The following SLC22A23 variants were observed in gnomAD, a reference collection of about 807,000 sequenced individuals.
SLC22A23 encodes the protein solute carrier family 22 member 23.
Under a neutral mutation model 61.0 loss-of-function variants are expected in SLC22A23, and 26 were observed. That is an observed-to-expected ratio of 0.43 (90% CI 0.31 to 0.59). The LOEUF (loss-of-function observed/expected upper bound fraction) is 0.59, where lower values mean the gene tolerates loss of function less well. Among genes scored for constraint, SLC22A23 ranks in the 20% least tolerant of loss-of-function variants. The probability of loss-of-function intolerance (pLI) is 0.11; values close to 1 mark genes in which losing one functional copy is unlikely to be tolerated. For missense variants in SLC22A23, 796 were observed against 934.7 expected (o/e 0.85, Z 1.94); for synonymous variants, 430 against 413.9 (o/e 1.04, Z -0.47).
In SLC22A23 at chr6:3,369,536, C is replaced by G. The variant is rs148211004; in HGVS notation, c.913+40652G>C. 7.4e-3 allele frequency among the ~76,000 whole-genome samples: 1,122 copies of G among 151,966 alleles called. 16 individuals carry two copies. The highest frequency in any genetic ancestry group is 0.02 in the African/African-American group (840 of 41,418). ...TGAAACCCCATCTCTACTAAAAATA[C>G]AAAAATTAGCCGGGCGTGGTGGCGT... On this transcript the variant is annotated intron_variant, in intron 3 of 9. Transcript: ENST00000406686.
chr6:3,333,539 G>A lies in SLC22A23; in HGVS notation c.914-9537C>T, dbSNP rs1387347626. On this transcript the variant is annotated intron_variant, in intron 3 of 9. Transcript: ENST00000406686. This position sits in a 1 kb window ranked among gnomAD's most constrained non-coding sequence, Gnocchi z 4.1. ...AACCCAGCAAGCACACCCCCCTTCT[G>A]GGCTGTGCACTCCCCGTCTGTCCTC... is the stretch of plus-strand genomic sequence containing the variant. Among the ~76,000 whole-genome samples, 3 of 152,020 alleles carry A rather than the reference G, an allele frequency of 2.0e-5. No homozygotes were observed. Among genetic ancestry groups the A allele is most frequent in the Non-Finnish European group, 4.4e-5 (3 of 67,990 alleles).
intron 3 of SLC22A23, among the ~76,000 whole-genome samples, chr6:3,354,238 T>C (rs116109301): frequency 0.018 from 2,666 of 152,318 alleles, 25 homozygotes; most frequent in African/African-American, 0.038. Flanking sequence ...AGTCAGGGCA[T>C]TGGATGGGCA....
intron 3 of SLC22A23, among the ~76,000 whole-genome samples, chr6:3,362,459 C>G (rs1765541009): frequency 7.0e-6 from 1 of 142,524 alleles, no homozygotes; most frequent in Non-Finnish European, 1.5e-5. Context: ...GCATTTTCAT[C>G]AGGGATTGAA....
At position 3,383,204 on chromosome 6, in the gene SLC22A23, C is replaced by T. The variant is rs1032692434; in HGVS notation, c.913+26984G>A. Among the ~76,000 whole-genome samples the T allele has an allele frequency of 4.6e-5, 7 of 152,122 alleles. No homozygotes were observed. In the South Asian group the frequency reaches 6.2e-4, roughly 14 times the overall value. On this transcript the variant is annotated intron_variant, in intron 3 of 9. Transcript: ENST00000406686. The stretch of plus-strand genomic sequence containing the variant: ...AGAAATAATGCTGAGTGAAAGATAA[C>T]GTATGGAGGAACACACACGGTATGA...
In SLC22A23 at chr6:3,275,310, A is replaced by T. The variant is rs553467857; in HGVS notation, c.1704-1898T>A. ...CCCTTCACATCATGTAAAAAAATGAACTCAAAATGGATAATAAAATCTAAG... is the reference window on the plus strand; with the variant it reads ...CCCTTCACATCATGTAAAAAAATGATCTCAAAATGGATAATAAAATCTAAG... On this transcript the variant is annotated intron_variant, in intron 9 of 9. Transcript: ENST00000406686. Among the ~76,000 whole-genome samples the T allele has an allele frequency of 7.9e-5, 12 of 152,328 alleles. No homozygotes were observed. The South Asian group carries it at 2.5e-3, about 32-fold the overall frequency.
chr6:3,322,602 T>TA lies in SLC22A23; in HGVS notation c.1082+1231dup, dbSNP rs1378055369. On this transcript the variant is annotated intron_variant, in intron 4 of 9. Coordinates refer to ENST00000406686, the MANE Select transcript of SLC22A23 (RefSeq NM_015482.2). This position sits in a 1 kb window ranked among gnomAD's most constrained non-coding sequence, Gnocchi z 4.1. ...TGGCAGGTGGCCTTTTCCCATCTGC[T>TA]ATTGCTGGCCCCCTGCTGCTGCCGA... is the stretch of plus-strand genomic sequence containing the variant. 6.6e-6 allele frequency among the ~76,000 whole-genome samples: 1 copy of TA among 152,158 alleles called. No individual in the cohort carries two copies. Among genetic ancestry groups the TA allele is most frequent in the East Asian group, 1.9e-4 (1 of 5,196 alleles).
intron 9 of SLC22A23, among the ~76,000 whole-genome samples, chr6:3,282,643 G>C (rs987197750): frequency 6.6e-6 from 1 of 152,226 alleles, no homozygotes; most frequent in African/African-American, 2.4e-5. Context: ...ACTCACGGCT[G>C]AACTACTGCC....
At chr6:3,440,234 T>C (rs928945952) in intron 1 of SLC22A23, among the ~76,000 whole-genome samples, 2 of 152,218 alleles carry the variant, frequency 1.3e-5, no homozygotes, top group African/African-American at 4.8e-5. Flanking sequence ...TCAGGGTCCA[T>C]GCTGGAGCTC....
chr6:3,399,055 C>T (rs1001271846), intron 3 of SLC22A23, among the ~76,000 whole-genome samples: 2 of 145,398 alleles, frequency 1.4e-5, no homozygotes, highest in Admixed American at 6.8e-5. Context: ...ATAATAAAAC[C>T]GAAAAAACGA....
intron 1 of SLC22A23, among the ~76,000 whole-genome samples, chr6:3,434,569 A>G (rs945006235): frequency 7.2e-5 from 11 of 152,200 alleles, no homozygotes; most frequent in Admixed American, 2.6e-4. Context: ...AGATCGCGCC[A>G]CTGCACTCCA....
rs1238914127 is a variant in SLC22A23 at position 3,324,671 on chromosome 6, C to T, written c.914-669G>A. 6.6e-6 allele frequency among the ~76,000 whole-genome samples: 1 copy of T among 152,230 alleles called. No homozygotes were observed. Among genetic ancestry groups the T allele is most frequent in the Non-Finnish European group, 1.5e-5 (1 of 68,036 alleles). ...ACCCTACCAGAAAGCCCCTTCTCCA[C>T]GTGGGAGTTCTGTGGGCCACTGCAA... On this transcript the variant is annotated intron_variant, in intron 3 of 9. Transcript: ENST00000406686. This position sits in a 1 kb window ranked among gnomAD's most constrained non-coding sequence, Gnocchi z 4.3.
intron 1 of SLC22A23, among the ~76,000 whole-genome samples, chr6:3,455,277 G>A (rs1477719379): frequency 3.3e-5 from 5 of 152,288 alleles, no homozygotes; most frequent in African/African-American, 1.2e-4. Flanking sequence ...GGTGACGGCC[G>A]GGGAACACCC....
intron 4 of SLC22A23, among the ~76,000 whole-genome samples, chr6:3,305,346 G>A (rs910266556): frequency 4.3e-4 from 66 of 152,284 alleles, no homozygotes; most frequent in African/African-American, 1.5e-3. Context: ...TTGCCTGGAC[G>A]GCACTCCGGT....
chr6:3,307,235 A>C (rs1202322012), intron 4 of SLC22A23, among the ~76,000 whole-genome samples: 1 of 152,180 alleles, frequency 6.6e-6, no homozygotes, highest in Non-Finnish European at 1.5e-5. Context: ...TCCGGGTCTC[A>C]GTTCATCTCG....
intron 4 of SLC22A23, among the ~76,000 whole-genome samples, chr6:3,311,276 C>T (rs992947585): frequency 6.6e-6 from 1 of 152,162 alleles, no homozygotes; most frequent in Non-Finnish European, 1.5e-5. Context: ...GATAAGGTTT[C>T]CCTGAAAGTG....
intron 3 of SLC22A23, among the ~76,000 whole-genome samples, chr6:3,368,830 A>G (rs991626416): frequency 6.6e-6 from 1 of 152,184 alleles, no homozygotes; most frequent in African/African-American, 2.4e-5. Context: ...TCTTTCCAAG[A>G]TGTGAGTTGC....
intron 1 of SLC22A23, among the ~76,000 whole-genome samples, chr6:3,452,432 A>AAAAAAT (rs978319770): frequency 1.3e-5 from 2 of 151,828 alleles, no homozygotes; most frequent in African/African-American, 4.8e-5. Flanking sequence ...CCTCTCTACA[A>AAAAAAT]AAAAATAAAA....
intron 5 of SLC22A23, among the ~76,000 whole-genome samples, chr6:3,295,098 T>G (rs776991891): frequency 1.4e-4 from 22 of 152,264 alleles, no homozygotes; most frequent in Non-Finnish European, 3.1e-4. Flanking sequence ...TCGGCTGGGC[T>G]GCTGCTGGGG....
chr6:3,407,576 T>C (rs950643692), intron 3 of SLC22A23, among the ~76,000 whole-genome samples: 1 of 152,274 alleles, frequency 6.6e-6, no homozygotes, highest in Non-Finnish European at 1.5e-5. Flanking sequence ...TAAATTTTCA[T>C]TGTTTAAATA....
Sources: gnomAD v4.1 joint callset for allele counts (sites outside exome capture counted in the v4.1 genomes callset) on GRCh38, gnomAD v4.1.1 for gene constraint, Gnocchi (gnomAD v3.1) non-coding constraint, MANE v1.5 for transcripts, NCBI Gene and HGNC (gene_info 2026-07-23, HGNC 2026-07-21) for gene names.